Variants in ABI2 observed in about 807,000 individuals in gnomAD.
The protein encoded by ABI2 is abelson interactor 2.
A neutral mutation model predicts 59.2 loss-of-function variants in ABI2; 25 were observed. The ratio of observed to expected loss-of-function variants is 0.42; its 90% confidence interval spans 0.31 to 0.59. ABI2 has a LOEUF of 0.59. ABI2 is among the 20% of genes least tolerant of loss of function. The pLI is 0.14. For missense variants in ABI2, 545 were observed against 681.8 expected (o/e 0.80, Z 2.23); for synonymous variants, 213 against 235.5 (o/e 0.90, Z 0.87).
chr2:203,414,487 TC>T (rs772481773), intron 10 of ABI2, among the ~76,000 whole-genome samples: 5 of 152,152 alleles, frequency 3.3e-5, no homozygotes, highest in Non-Finnish European at 7.3e-5. Context: ...CTCTTACTCT[TC>T]CTTCAGGTTT....
chr2:203,429,243 T>G lies in ABI2; in HGVS notation c.*1891T>G, dbSNP rs1423147370. The stretch of plus-strand genomic sequence containing the variant: ...AGGTCATTTCTACATCCCTTATTCC[T>G]TGTTTTCCTGCAGTGTAATGGCCCT... On this transcript the variant is annotated 3_prime_UTR_variant, in exon 12 of 12. Coordinates refer to ENST00000261018, the MANE Select transcript of ABI2 (RefSeq NM_001375670.1). 1 of 152,256 alleles carries G rather than the reference T, an allele frequency of 6.6e-6. No individual in the cohort carries two copies. The highest frequency in any genetic ancestry group is 2.4e-5 in the African/African-American group (1 of 41,470). The allele number at this position is 152,256 out of a possible 1,614,324, so 9.4% of individuals were successfully genotyped here.
At chr2:203,372,868 C>T (rs1321586378) in intron 2 of ABI2, among the ~76,000 whole-genome samples, 3 of 151,838 alleles carry the variant, frequency 2.0e-5, no homozygotes, top group Non-Finnish European at 2.9e-5. Flanking sequence ...CCAGACGGGG[C>T]GGCGGGGCAG....
At position 203,429,753 on chromosome 2, in the gene ABI2, C is replaced by CAA. The variant is rs71408936; in HGVS notation, c.*2417_*2418dup. ...GCCTGGTGACAGAGCGAGACTCCAT[C>CAA]AAAAAAAAAAAAAAAAAGTTCCCAC... is the stretch of plus-strand genomic sequence containing the variant. On this transcript the variant is annotated 3_prime_UTR_variant, in exon 12 of 12. Coordinates refer to ENST00000261018, the MANE Select transcript of ABI2 (RefSeq NM_001375670.1). The CAA allele has an allele frequency of 0.08, 10,448 of 130,192 alleles. 731 individuals carry two copies. The highest frequency in any genetic ancestry group is 0.19 in the African/African-American group (6,268 of 33,710). The allele number at this position is 130,192 out of a possible 1,614,324, so 8.1% of individuals were successfully genotyped here.
At chr2:203,401,965 TTTAA>T (rs1200632107) in intron 8 of ABI2, among the ~76,000 whole-genome samples, 1 of 152,192 alleles carries the variant, frequency 6.6e-6, no homozygotes, top group African/African-American at 2.4e-5. Context: ...GTAGATAAAT[TTTAA>T]TTAATTGTGA....
At chr2:203,393,807 T>TTG (rs1457146209) in intron 5 of ABI2, among the ~76,000 whole-genome samples, 1 of 151,790 alleles carries the variant, frequency 6.6e-6, no homozygotes, top group Non-Finnish European at 1.5e-5. Context: ...AATATGTCAA[T>TTG]TGACTGTTTA....
chr2:203,387,056 CTTTTTTTTT>C (rs35497226), intron 4 of ABI2, among the ~76,000 whole-genome samples: 2 of 116,536 alleles, frequency 1.7e-5, no homozygotes, highest in African/African-American at 6.6e-5. Context: ...GGCTCCCTTC[CTTTTTTTTT>C]TTTTTTTTTT....
At chr2:203,379,809 A>G (rs776996207) in intron 2 of ABI2, among the ~76,000 whole-genome samples, 1 of 152,196 alleles carries the variant, frequency 6.6e-6, no homozygotes, top group Non-Finnish European at 1.5e-5. Flanking sequence ...CATCTCTGCC[A>G]TTACAGTGTA....
intron 1 of ABI2, among the ~76,000 whole-genome samples, chr2:203,349,478 C>T (rs2086194740): frequency 6.6e-6 from 1 of 152,142 alleles, no homozygotes; most frequent in Non-Finnish European, 1.5e-5. Context: ...GATCTTTGCT[C>T]ACTGCAACCT....
chr2:203,408,650 CAG>C (rs1231539126), intron 9 of ABI2, among the ~76,000 whole-genome samples: 1 of 151,644 alleles, frequency 6.6e-6, no homozygotes, highest in Non-Finnish European at 1.5e-5. Flanking sequence ...GGTAGAGAAA[CAG>C]TGACTGAAGT....
chr2:203,372,263 A>T (rs1280717718), intron 2 of ABI2, among the ~76,000 whole-genome samples: 1 of 152,226 alleles, frequency 6.6e-6, no homozygotes, highest in Non-Finnish European at 1.5e-5. Flanking sequence ...ACCGATCAAC[A>T]GGATCCCAAG....
chr2:203,377,923 T>A (rs2095819701), intron 2 of ABI2, among the ~76,000 whole-genome samples: 1 of 152,084 alleles, frequency 6.6e-6, no homozygotes, highest in Non-Finnish European at 1.5e-5. Flanking sequence ...TAAAATTTAA[T>A]CCAAATGTGA....
At chr2:203,366,415 T>C (rs2094455290) in intron 1 of ABI2, among the ~76,000 whole-genome samples, 1 of 152,190 alleles carries the variant, frequency 6.6e-6, no homozygotes, top group Non-Finnish European at 1.5e-5. Flanking sequence ...AATTTTTTTT[T>C]CCTGGATGCT....
chr2:203,399,785 G>T (rs1044395727), intron 8 of ABI2, among the ~76,000 whole-genome samples: 2 of 152,332 alleles, frequency 1.3e-5, no homozygotes, highest in Admixed American at 6.5e-5. Context: ...AAAGTGCTGG[G>T]ATTACAGGCG....
At chr2:203,420,495 G>A (rs1040090745) in intron 11 of ABI2, among the ~76,000 whole-genome samples, 1 of 150,586 alleles carries the variant, frequency 6.6e-6, no homozygotes, top group Non-Finnish European at 1.5e-5. Context: ...CCAGGTTCAC[G>A]CCATTCTCCT....
chr2:203,401,511 T>A (rs2097217959), intron 8 of ABI2, among the ~76,000 whole-genome samples: 1 of 152,176 alleles, frequency 6.6e-6, no homozygotes, highest in South Asian at 2.1e-4. Context: ...ATTAGGAAAC[T>A]GATGGATTAT....
chr2:203,370,987 T>C (rs2095122266), intron 2 of ABI2, among the ~76,000 whole-genome samples: 1 of 152,184 alleles, frequency 6.6e-6, no homozygotes, highest in South Asian at 2.1e-4. Flanking sequence ...GAACGCTGAG[T>C]TGGCCTGAAA....
intron 6 of ABI2, among the ~76,000 whole-genome samples, chr2:203,395,432 A>AATATATATATATATAT (rs375911001): frequency 7.1e-5 from 8 of 113,324 alleles, no homozygotes; most frequent in African/African-American, 1.9e-4. Flanking sequence ...TTAATAAGTA[A>AATATATATATATATAT]ATATATATAT....
At chr2:203,403,783 G>A (rs1171536688) in intron 9 of ABI2, among the ~76,000 whole-genome samples, 2 of 116,712 alleles carry the variant, frequency 1.7e-5, no homozygotes, top group Admixed American at 1.2e-4. Flanking sequence ...ATGGAGTCTC[G>A]CTCTGTTGCC....
At chr2:203,394,111 A>G (rs2096878453) in intron 5 of ABI2, among the ~76,000 whole-genome samples, 1 of 152,244 alleles carries the variant, frequency 6.6e-6, no homozygotes, top group African/African-American at 2.4e-5. Flanking sequence ...GATCAAGGTG[A>G]AAGTTGAGGG....
Sources: allele counts gnomAD v4.1 joint callset (sites outside exome capture counted in the v4.1 genomes callset), GRCh38; gene constraint gnomAD v4.1.1; transcripts MANE v1.5; gene names NCBI Gene and HGNC (gene_info 2026-07-23, HGNC 2026-07-21).